ZNRF1: variants seen among roughly 807,000 people sequenced by gnomAD.
ZNRF1 encodes the protein zinc and ring finger 1.
Under a neutral mutation model 18.4 loss-of-function variants are expected in ZNRF1, and 3 were observed. That is an observed-to-expected ratio of 0.16 (90% confidence interval 0.07 to 0.42). ZNRF1 has a LOEUF of 0.42. Among genes scored for constraint, ZNRF1 ranks in the 10% least tolerant of loss-of-function variants. The probability of loss-of-function intolerance (pLI) is 0.99; values close to 1 mark genes in which losing one functional copy is unlikely to be tolerated. For missense variants in ZNRF1, 310 were observed against 329.8 expected, an observed-to-expected ratio of 0.94 and a Z score of 0.47; for synonymous variants, 157 against 144.2, an observed-to-expected ratio of 1.09 and a Z score of -0.64.
intron 1 of ZNRF1, among the ~76,000 whole-genome samples, chr16:75,063,164 G>T (rs1439699263): frequency 2.0e-5 from 3 of 152,212 alleles, no homozygotes; most frequent in Non-Finnish European, 4.4e-5. Flanking sequence ...AGGCCTGGAT[G>T]AGAACGTACC....
At chr16:75,064,430 C>A (rs1005116309) in intron 1 of ZNRF1, among the ~76,000 whole-genome samples, 3 of 151,970 alleles carry the variant, frequency 2.0e-5, no homozygotes, top group African/African-American at 7.2e-5. Context: ...GTAGCAGATG[C>A]CTGTAATCCC....
At chr16:75,005,912 C>T (rs1411177561) in intron 1 of ZNRF1, among the ~76,000 whole-genome samples, 2 of 152,090 alleles carry the variant, frequency 1.3e-5, no homozygotes, top group South Asian at 2.1e-4. Flanking sequence ...TGTACATACA[C>T]GGACCTAGGT....
intron 1 of ZNRF1, among the ~76,000 whole-genome samples, chr16:75,067,601 A>C (rs981395695): frequency 6.6e-6 from 1 of 152,236 alleles, no homozygotes; most frequent in Non-Finnish European, 1.5e-5. Flanking sequence ...ATGTCTGCGC[A>C]AAAACAGGTA....
chr16:75,007,122 A>G (rs2034929980), intron 1 of ZNRF1, among the ~76,000 whole-genome samples: 2 of 149,676 alleles, frequency 1.3e-5, no homozygotes, highest in South Asian at 4.2e-4. Flanking sequence ...CAGTGGCACG[A>G]TCATGGCTCA....
intron 1 of ZNRF1, among the ~76,000 whole-genome samples, chr16:75,086,048 G>A (rs1053714441): frequency 1.3e-5 from 2 of 151,928 alleles, no homozygotes; most frequent in African/African-American, 4.8e-5. Flanking sequence ...AAGCAGTTAG[G>A]CAGACAGAGA....
At chr16:75,009,789 C>T (rs1313294563) in intron 1 of ZNRF1, among the ~76,000 whole-genome samples, 2 of 151,594 alleles carry the variant, frequency 1.3e-5, no homozygotes, top group Admixed American at 6.6e-5. Flanking sequence ...CACATCCTTG[C>T]CAATACTTGT....
intron 1 of ZNRF1, among the ~76,000 whole-genome samples, chr16:75,089,515 C>T (rs768287255): frequency 4.6e-5 from 7 of 152,166 alleles, no homozygotes; most frequent in Non-Finnish European, 1.0e-4. Flanking sequence ...CTTCCTACAC[C>T]AGTGGTGCTT....
In ZNRF1 at chr16:75,024,799, A is replaced by G. The variant is rs1026060604; in HGVS notation, c.424+24704A>G. On this transcript the variant is annotated intron_variant, in intron 1 of 4. Coordinates refer to ENST00000335325, the MANE Select transcript of ZNRF1 (RefSeq NM_032268.5). The stretch of plus-strand genomic sequence containing the variant: ...TTTAAGCAAATCTTTTAAGAAACAA[A>G]AGTTCTTCCTGCTTCTTTCGTGGTC... Among the ~76,000 whole-genome samples, 29 of 152,228 alleles carry G rather than the reference A, an allele frequency of 1.9e-4. 1 individual carries two copies. The highest frequency in any genetic ancestry group is 8.8e-5 in the Non-Finnish European group (6 of 68,044).
intron 1 of ZNRF1, among the ~76,000 whole-genome samples, chr16:75,045,546 T>C (rs1199927979): frequency 2.6e-5 from 3 of 116,266 alleles, no homozygotes; most frequent in African/African-American, 1.0e-4. Flanking sequence ...GAGCCATCCA[T>C]AGTAATAGAC....
At chr16:75,094,744 A>T (rs958507530) in intron 2 of ZNRF1, among the ~76,000 whole-genome samples, 9 of 152,104 alleles carry the variant, frequency 5.9e-5, no homozygotes, top group Non-Finnish European at 1.2e-4. Context: ...AGCCCACGCC[A>T]CTGCTGACCC....
chr16:75,010,229 C>T (rs1272720229), intron 1 of ZNRF1, among the ~76,000 whole-genome samples: 4 of 152,092 alleles, frequency 2.6e-5, no homozygotes, highest in African/African-American at 4.8e-5. Flanking sequence ...GTGATCCACC[C>T]GCCTCAGCCT....
intron 1 of ZNRF1, among the ~76,000 whole-genome samples, chr16:75,030,707 T>G (rs1040677645): frequency 1.3e-5 from 2 of 152,174 alleles, no homozygotes; most frequent in East Asian, 1.9e-4. Flanking sequence ...CTATGTAAAC[T>G]TGCCTATTCT....
At chr16:75,029,369 C>T (rs924538121) in intron 1 of ZNRF1, among the ~76,000 whole-genome samples, 6 of 152,016 alleles carry the variant, frequency 3.9e-5, no homozygotes, top group African/African-American at 1.4e-4. Context: ...AGGATAGTCT[C>T]GATCTCCTGA....
intron 1 of ZNRF1, among the ~76,000 whole-genome samples, chr16:75,045,295 G>A (rs1375847667): frequency 6.6e-6 from 1 of 152,140 alleles, no homozygotes; most frequent in Non-Finnish European, 1.5e-5. Context: ...AACTCTGCCT[G>A]CCCTTTTGCA....
Position 75,104,902 on chromosome 16 carries a change from G to T in ZNRF1, c.626+13G>T. The T allele has an allele frequency of 6.3e-7, 1 of 1,582,784 alleles. No homozygotes were observed. The highest frequency in any genetic ancestry group is 1.2e-5 in the South Asian group (1 of 86,324). On this transcript the variant is annotated intron_variant, in intron 3 of 4. Coordinates refer to ENST00000335325, the MANE Select transcript of ZNRF1 (RefSeq NM_032268.5). Reference sequence around the variant, plus strand: ...TCTATCACAAAAGGTAGGAGGGGTTGGCAAGGTAGCTTAGTGCACCCCACC... The same window carrying T: ...TCTATCACAAAAGGTAGGAGGGGTTTGCAAGGTAGCTTAGTGCACCCCACC...
chr16:75,023,926 A>T (rs1188849578), intron 1 of ZNRF1, among the ~76,000 whole-genome samples: 1 of 149,322 alleles, frequency 6.7e-6, no homozygotes, highest in Non-Finnish European at 1.5e-5. Flanking sequence ...GCTGGAGTGC[A>T]GTGGTGTGAT....
Position 75,104,846 on chromosome 16 carries a change from G to A in ZNRF1, c.583G>A (p.Asp195Asn). The A allele has an allele frequency of 6.2e-7, 1 of 1,610,786 alleles. No individual in the cohort carries two copies. Among genetic ancestry groups the A allele is most frequent in the Non-Finnish European group, 8.5e-7 (1 of 1,179,040 alleles). Residue 195 changes from aspartate (D) to asparagine (N), a missense_variant, in exon 3 of 5, where the codon GAC (aspartate) becomes AAC (asparagine). Asp to Asn is a conservative substitution (Grantham distance 23, BLOSUM62 1). Around this residue, in one of 2 missense-constraint regions of ZNRF1, gnomAD observed 293 missense variants for 291.2 expected, o/e 1.01. Transcript: ENST00000335325. ...CTGCCTGGAGGAGCTGCTGCAGGGG[G>A]ACACGATAGCCAGGCTGCCCTGCCT... The part of the protein sequence containing the change: ...VICLEELLQG[D>N]TIARLPCLCI...
intron 1 of ZNRF1, among the ~76,000 whole-genome samples, chr16:75,007,851 T>G (rs1261957504): frequency 6.6e-6 from 1 of 152,154 alleles, no homozygotes; most frequent in Admixed American, 6.6e-5. Flanking sequence ...ATTAGCTTTC[T>G]TTTTATTTGT....
chr16:75,011,429 C>T (rs538631299), intron 1 of ZNRF1, among the ~76,000 whole-genome samples: 2 of 152,110 alleles, frequency 1.3e-5, no homozygotes, highest in Non-Finnish European at 2.9e-5. Context: ...GACAAGGTCT[C>T]ACTATGTTGC....
Sources: gnomAD v4.1 joint callset for allele counts (sites outside exome capture counted in the v4.1 genomes callset) on GRCh38, gnomAD v4.1.1 for gene constraint, gnomAD v4.1.1 regional missense constraint, MANE v1.5 for transcripts, NCBI Gene and HGNC (gene_info 2026-07-23, HGNC 2026-07-21) for gene names.